The following KIAA1217 variants were observed in gnomAD, a reference collection of about 807,000 sequenced individuals.
KIAA1217 encodes the protein sickle tail protein homolog.
A neutral mutation model predicts 163.9 loss-of-function variants in KIAA1217; 88 were observed. That is an observed-to-expected ratio of 0.54 (90% CI 0.45 to 0.64). KIAA1217 has a LOEUF of 0.64. Ranked by LOEUF, KIAA1217 falls within the 30% of genes least tolerant of loss-of-function variation. KIAA1217 has a pLI of 0.00. For missense variants in KIAA1217, 2,372 were observed against 2,475.0 expected (o/e 0.96, Z 0.88); for synonymous variants, 903 against 923.1 (o/e 0.98, Z 0.39).
chr10:23,898,752 A>C (rs1032534002), intron 1 of KIAA1217, among the ~76,000 whole-genome samples: 1 of 151,634 alleles, frequency 6.6e-6, no homozygotes, highest in East Asian at 2.0e-4. Context: ...CTCCACCCCA[A>C]CTCCTCACAA....
chr10:24,251,777 A>T (rs368579221), intron 2 of KIAA1217, among the ~76,000 whole-genome samples: 56 of 149,260 alleles, frequency 3.8e-4, no homozygotes, highest in African/African-American at 1.4e-3. Flanking sequence ...ACAGACTTAG[A>T]TTTGAGAACT....
intron 1 of KIAA1217, among the ~76,000 whole-genome samples, chr10:23,865,972 T>G (rs983378437): frequency 3.3e-5 from 5 of 152,164 alleles, no homozygotes; most frequent in Admixed American, 2.6e-4. Flanking sequence ...TATAATAAAG[T>G]TTTATAGCTG....
At chr10:24,217,768 A>T (rs2069028733) in intron 1 of KIAA1217, among the ~76,000 whole-genome samples, 1 of 152,196 alleles carries the variant, frequency 6.6e-6, no homozygotes, top group Admixed American at 6.5e-5. Context: ...CCAAATATTA[A>T]ATCTGTATTT....
At chr10:23,829,491 G>T (rs1053380144) in intron 1 of KIAA1217, among the ~76,000 whole-genome samples, 1 of 152,126 alleles carries the variant, frequency 6.6e-6, no homozygotes, top group Non-Finnish European at 1.5e-5. Flanking sequence ...ACAGTGATCT[G>T]GAATTTCAGT....
chr10:23,834,248 GTGGT>G (rs1588911138), intron 1 of KIAA1217, among the ~76,000 whole-genome samples: 1 of 152,156 alleles, frequency 6.6e-6, no homozygotes, highest in East Asian at 1.9e-4. Flanking sequence ...TTTCTGATCT[GTGGT>G]AACTTAGGAA....
At chr10:24,082,022 C>T (rs1257533740) in intron 2 of KIAA1217, among the ~76,000 whole-genome samples, 4 of 152,140 alleles carry the variant, frequency 2.6e-5, no homozygotes, top group Non-Finnish European at 5.9e-5. Flanking sequence ...AGATGGGACT[C>T]AATCTGGCAT....
chr10:23,936,058 C>G (rs552480589), intron 1 of KIAA1217, among the ~76,000 whole-genome samples: 1 of 152,300 alleles, frequency 6.6e-6, no homozygotes, highest in Admixed American at 6.5e-5. Flanking sequence ...AACCAGGAAA[C>G]AGTAAAAATA....
At chr10:24,185,064 AG>A (rs2066357272) in intron 2 of KIAA1217, among the ~76,000 whole-genome samples, 1 of 152,216 alleles carries the variant, frequency 6.6e-6, no homozygotes, top group Non-Finnish European at 1.5e-5. Context: ...GAAATAAAAT[AG>A]GATGCCCTTA....
intron 2 of KIAA1217, among the ~76,000 whole-genome samples, chr10:24,028,489 T>A (rs1350058264): frequency 6.6e-6 from 1 of 152,114 alleles, no homozygotes; most frequent in Admixed American, 6.6e-5. Flanking sequence ...TTCAAAAGCA[T>A]AACTAACAAT....
At chr10:24,434,378 C>G (rs1477084211) in intron 4 of KIAA1217, among the ~76,000 whole-genome samples, 1 of 152,138 alleles carries the variant, frequency 6.6e-6, no homozygotes, top group East Asian at 1.9e-4. Flanking sequence ...TGCTCTGTCA[C>G]CCAGGCTGGA....
At chr10:24,305,549 TAAAC>T (rs2041915072) in intron 2 of KIAA1217, among the ~76,000 whole-genome samples, 2 of 152,206 alleles carry the variant, frequency 1.3e-5, no homozygotes, top group Non-Finnish European at 2.9e-5. Flanking sequence ...CTTTAAACTG[TAAAC>T]TAAATCCCCC....
At chr10:24,180,045 G>C (rs1045516311) in intron 2 of KIAA1217, among the ~76,000 whole-genome samples, 3 of 152,160 alleles carry the variant, frequency 2.0e-5, no homozygotes, top group Non-Finnish European at 4.4e-5. Context: ...TCAGTGATAA[G>C]AGTTATCTCC....
intron 2 of KIAA1217, among the ~76,000 whole-genome samples, chr10:24,356,175 G>A (rs1254608145): frequency 1.3e-5 from 2 of 152,134 alleles, no homozygotes; most frequent in Non-Finnish European, 2.9e-5. Context: ...ATAGTTAACA[G>A]TGCTTTCAAC....
intron 3 of KIAA1217, among the ~76,000 whole-genome samples, chr10:24,390,831 T>A (rs2054822821): frequency 6.6e-6 from 1 of 152,196 alleles, no homozygotes; most frequent in Admixed American, 6.5e-5. Context: ...CAGTTTGTCC[T>A]TTATCAACTA....
intron 1 of KIAA1217, among the ~76,000 whole-genome samples, chr10:24,005,364 G>A (rs891498889): frequency 1.3e-5 from 2 of 152,036 alleles, no homozygotes; most frequent in African/African-American, 2.4e-5. Flanking sequence ...TGACCCTAGA[G>A]GACTTCACTA....
chr10:24,129,196 A>G (rs1306920511), intron 2 of KIAA1217, among the ~76,000 whole-genome samples: 1 of 152,166 alleles, frequency 6.6e-6, no homozygotes, highest in Non-Finnish European at 1.5e-5. Context: ...TTTAATTTAT[A>G]CTTTCAATTA....
intron 1 of KIAA1217, among the ~76,000 whole-genome samples, chr10:23,770,664 T>C (rs574163692): frequency 1.3e-5 from 2 of 152,340 alleles, no homozygotes; most frequent in East Asian, 3.9e-4. Flanking sequence ...TTTCCTCTTA[T>C]TCACCACTGA....
At chr10:23,878,478 C>A (rs1278928068) in intron 1 of KIAA1217, among the ~76,000 whole-genome samples, 1 of 151,814 alleles carries the variant, frequency 6.6e-6, no homozygotes, top group Non-Finnish European at 1.5e-5. Flanking sequence ...TGCTCACATT[C>A]GAGGTTCTAT....
At chr10:24,165,131 G>A (rs2065285981) in intron 2 of KIAA1217, among the ~76,000 whole-genome samples, 1 of 152,330 alleles carries the variant, frequency 6.6e-6, no homozygotes, top group Non-Finnish European at 1.5e-5. Flanking sequence ...GAAGCCAACT[G>A]TACTTACACT....
Sources: gnomAD v4.1 joint callset for allele counts (sites outside exome capture counted in the v4.1 genomes callset) on GRCh38, gnomAD v4.1.1 for gene constraint, MANE v1.5 for transcripts, NCBI Gene and HGNC (gene_info 2026-07-23, HGNC 2026-07-21) for gene names.